The following COL23A1 variants were observed in gnomAD, a reference collection of about 807,000 sequenced individuals.
The protein encoded by COL23A1 is collagen alpha-1(XXIII) chain.
Under a neutral mutation model 99.3 loss-of-function variants are expected in COL23A1, and 97 were observed. That is an observed-to-expected ratio of 0.98 (90% confidence interval 0.83 to 1.16). COL23A1 has a LOEUF of 1.16. Among genes scored for constraint, COL23A1 ranks in the 50% most tolerant of loss-of-function variants. The pLI is 0.00. For synonymous variants in COL23A1, 320 were observed against 308.2 expected (o/e 1.04, Z -0.40); for missense variants, 762 against 757.4 (o/e 1.01, Z -0.07).
intron 2 of COL23A1, among the ~76,000 whole-genome samples, chr5:178,487,812 G>A (rs1019098749): frequency 6.6e-6 from 1 of 152,170 alleles, no homozygotes; most frequent in Non-Finnish European, 1.5e-5. Flanking sequence ...AGATCCCACT[G>A]AAAACCCTGG....
intron 27 of COL23A1, 40 bp from the exon 28 acceptor site, chr5:178,239,219 G>A: frequency 6.2e-7 from 1 of 1,611,846 alleles, no homozygotes; most frequent in South Asian, 1.1e-5. Flanking sequence ...GATGGGGCCT[G>A]GGGAGCTCCT....
chr5:178,497,973 A>G (rs1581506360), intron 2 of COL23A1, among the ~76,000 whole-genome samples: 1 of 151,830 alleles, frequency 6.6e-6, no homozygotes, highest in Admixed American at 6.6e-5. Context: ...TAAATTCACA[A>G]CTCTAGGAAG....
chr5:178,487,288 TTTTATTTATTTATTTATTTA>T lies in COL23A1; in HGVS notation c.361+73374_361+73393del, dbSNP rs70997604. ...AAGGCAGTCATGGTACCAGCCTCAG[TTTTATTTATTTATTTATTTA>T]TTTATTTATTTATTTATTTATTTAT... On this transcript the variant is annotated intron_variant, in intron 2 of 28. Transcript: ENST00000390654. Among the ~76,000 whole-genome samples, 679 of 116,520 alleles carry T rather than the reference TTTTATTTATTTATTTATTTA, an allele frequency of 5.8e-3. 6 individuals are homozygous for T. Among genetic ancestry groups the T allele is most frequent in the South Asian group, 9.2e-3 (33 of 3,604 alleles). 76.4% of individuals were successfully genotyped at this position (116,520 alleles called of 152,430 possible).
intron 2 of COL23A1, among the ~76,000 whole-genome samples, chr5:178,325,527 A>G (rs1485082483): frequency 6.6e-6 from 1 of 150,874 alleles, no homozygotes; most frequent in East Asian, 1.9e-4. Context: ...CTCATCCTAC[A>G]ATACCCAGCT....
chr5:178,442,123 C>T (rs1253478674), intron 2 of COL23A1, among the ~76,000 whole-genome samples: 2 of 151,972 alleles, frequency 1.3e-5, no homozygotes, highest in Non-Finnish European at 2.9e-5. Context: ...AGCCTGGCCC[C>T]TGCTTTCTCC....
rs1204871027 is a variant in COL23A1 at position 178,242,352 on chromosome 5, G to A, written c.1483C>T (p.Arg495Cys). 9.9e-6 allele frequency: 16 copies of A among 1,613,822 alleles called. No individual in the cohort carries two copies. The highest frequency in any genetic ancestry group is 1.6e-4 in the Middle Eastern group (1 of 6,062). ...PRGEKGDRSE[R>C]GEKGERGVPG... Reference sequence around the variant, plus strand: ...CCAGCTGCCCTCACCTTCTCTCCACGCTCGCTCCGATCACCTTTCTCTCCT... The same window carrying A: ...CCAGCTGCCCTCACCTTCTCTCCACACTCGCTCCGATCACCTTTCTCTCCT... Residue 495 changes from arginine to cysteine, a missense_variant, in exon 26 of 29, where the codon CGT becomes TGT. Physicochemically the swap from Arg to Cys is radical, Grantham distance 180 (BLOSUM62 -3). Transcript: ENST00000390654.
At chr5:178,481,114 C>T (rs1240577024) in intron 2 of COL23A1, among the ~76,000 whole-genome samples, 3 of 133,912 alleles carry the variant, frequency 2.2e-5, no homozygotes, top group Admixed American at 1.6e-4. Context: ...CACCACTGCA[C>T]TCCAGAGACT....
In COL23A1 at chr5:178,247,840, G is replaced by A. The variant is rs1464393308; in HGVS notation, c.1213-9C>T. 2.5e-6 allele frequency: 4 copies of A among 1,610,530 alleles called. No individual in the cohort carries two copies. The highest frequency in any genetic ancestry group is 3.4e-6 in the Non-Finnish European group (4 of 1,178,334). ...TCCACTATGAGCTGAGCCTAGGGAG[G>A]GTGAGAGACAGGTTAGTCACCCACC... On this transcript the variant is annotated splice_polypyrimidine_tract_variant and intron_variant, in intron 20 of 28. Coordinates refer to ENST00000390654, the MANE Select transcript of COL23A1 (RefSeq NM_173465.4).
At chr5:178,418,930 C>T (rs1271720303) in intron 2 of COL23A1, among the ~76,000 whole-genome samples, 4 of 152,208 alleles carry the variant, frequency 2.6e-5, no homozygotes, top group African/African-American at 7.2e-5. Flanking sequence ...GCCTGCCCCA[C>T]AGCTCTAGAA....
At position 178,305,480 on chromosome 5, in the gene COL23A1, T is replaced by C. The variant is rs115302045; in HGVS notation, c.406+1395A>G. ...ACCATGGCCACCTTGTGAAGTTGCT[T>C]AGGGGCTGGGCATTCATTCGTTCGC... On this transcript the variant is annotated intron_variant, in intron 3 of 28. Coordinates refer to ENST00000390654, the MANE Select transcript of COL23A1 (RefSeq NM_173465.4). Among the ~76,000 whole-genome samples the C allele has an allele frequency of 7.3e-3, 1,113 of 152,216 alleles. 11 individuals are homozygous for C. Among genetic ancestry groups the C allele is most frequent in the African/African-American group, 0.024 (987 of 41,552 alleles).
intron 3 of COL23A1, among the ~76,000 whole-genome samples, chr5:178,299,398 T>C (rs1162210853): frequency 6.6e-6 from 1 of 152,234 alleles, no homozygotes; most frequent in Non-Finnish European, 1.5e-5. Context: ...TCTAGGAATG[T>C]GTCCATTTCA....
At chr5:178,371,368 C>A (rs1490188736) in intron 2 of COL23A1, among the ~76,000 whole-genome samples, 1 of 152,210 alleles carries the variant, frequency 6.6e-6, no homozygotes, top group Non-Finnish European at 1.5e-5. Flanking sequence ...ACTCTCAAAT[C>A]CTCACATGCA....
At chr5:178,390,364 G>A (rs1251374048) in intron 2 of COL23A1, among the ~76,000 whole-genome samples, 1 of 152,222 alleles carries the variant, frequency 6.6e-6, no homozygotes, top group Non-Finnish European at 1.5e-5. Context: ...ACATGGCCAT[G>A]AGGCAGGTCA....
At chr5:178,393,038 C>T (rs1764048015) in intron 2 of COL23A1, among the ~76,000 whole-genome samples, 1 of 152,238 alleles carries the variant, frequency 6.6e-6, no homozygotes, top group Non-Finnish European at 1.5e-5. Context: ...AGCCCAAGGA[C>T]CCACAGCGGG....
chr5:178,555,856 G>A (rs765470665), intron 2 of COL23A1, among the ~76,000 whole-genome samples: 2 of 152,166 alleles, frequency 1.3e-5, no homozygotes, highest in Admixed American at 6.5e-5. Flanking sequence ...CTCCCAGGGG[G>A]AGGCTTCAGG....
chr5:178,556,621 C>T (rs550332236), intron 2 of COL23A1, among the ~76,000 whole-genome samples: 2 of 96,918 alleles, frequency 2.1e-5, no homozygotes, highest in South Asian at 6.8e-4. Context: ...GAAACTCTGT[C>T]AAATTAAAAT....
At chr5:178,345,136 C>A in intron 2 of COL23A1, 2 of 626,168 alleles carry the variant, frequency 3.2e-6, no homozygotes, top group South Asian at 2.8e-5. Context: ...ATCTAAAGTT[C>A]AATCTCTTGG....
chr5:178,576,150 T>C (rs1430795987), intron 1 of COL23A1, among the ~76,000 whole-genome samples: 3 of 152,192 alleles, frequency 2.0e-5, no homozygotes, highest in Non-Finnish European at 4.4e-5. Context: ...TTTGCGAAGG[T>C]AGTTTTTTCA....
intron 2 of COL23A1, among the ~76,000 whole-genome samples, chr5:178,329,950 A>G (rs1015966053): frequency 2.0e-5 from 3 of 151,684 alleles, no homozygotes; most frequent in East Asian, 3.9e-4. Context: ...AAAAAAAAAA[A>G]AAGAAGAAAG....
Sources: gnomAD v4.1 joint callset for allele counts (sites outside exome capture counted in the v4.1 genomes callset) on GRCh38, gnomAD v4.1.1 for gene constraint, MANE v1.5 for transcripts, NCBI Gene and HGNC (gene_info 2026-07-23, HGNC 2026-07-21) for gene names.